TRHDE: variants seen among roughly 807,000 people sequenced by gnomAD.
The protein encoded by TRHDE is thyrotropin releasing hormone degrading enzyme, also known as thyrotropin-releasing hormone-degrading ectoenzyme.
A neutral mutation model predicts 125.7 loss-of-function variants in TRHDE; 72 were observed. The ratio of observed to expected loss-of-function variants is 0.57; its 90% CI spans 0.47 to 0.70. The LOEUF is 0.70. TRHDE is among the 30% of genes least tolerant of loss of function. TRHDE has a pLI of 0.00. For synonymous variants in TRHDE, 509 were observed against 509.1 expected (o/e 1.00, Z 0.00); for missense variants, 1,110 against 1,327.1 (o/e 0.84, Z 2.54).
intron 2 of TRHDE, among the ~76,000 whole-genome samples, chr12:72,211,249 A>C (rs73349024): frequency 0.043 from 6,504 of 152,212 alleles, 465 homozygotes; most frequent in African/African-American, 0.15. Flanking sequence ...CAGTGGTGCT[A>C]AGGTTCTGCC....
At chr12:72,236,968 G>A (rs1287860300) in intron 2 of TRHDE, among the ~76,000 whole-genome samples, 1 of 152,136 alleles carries the variant, frequency 6.6e-6, no homozygotes, top group African/African-American at 2.4e-5. Flanking sequence ...TTAAAATTTG[G>A]TTTAGATGGC....
chr12:72,441,721 T>C (rs1309003617), intron 3 of TRHDE, among the ~76,000 whole-genome samples: 2 of 151,892 alleles, frequency 1.3e-5, no homozygotes, highest in Non-Finnish European at 2.9e-5. Flanking sequence ...TTGACGTTGT[T>C]GGCCAAATAC....
At chr12:72,497,656 C>A (rs1282898938) in intron 5 of TRHDE, among the ~76,000 whole-genome samples, 7 of 151,968 alleles carry the variant, frequency 4.6e-5, no homozygotes, top group African/African-American at 1.4e-4. Context: ...CCCATTAATT[C>A]AAATATCAGA....
chr12:72,591,201 G>A (rs1381705629), intron 12 of TRHDE, among the ~76,000 whole-genome samples: 1 of 152,136 alleles, frequency 6.6e-6, no homozygotes, highest in Non-Finnish European at 1.5e-5. Flanking sequence ...TTCCCACTGG[G>A]TCCCTCCAAC....
rs921615462 is a variant in TRHDE at position 72,670,233 on chromosome 12, G to A, written c.*7038G>A. On this transcript the variant is annotated 3_prime_UTR_variant, in exon 19 of 19. Coordinates refer to ENST00000261180, the MANE Select transcript of TRHDE (RefSeq NM_013381.3). ...CTTTCAGTAAATAAGTGTTAATAAA[G>A]CAGTGACCAAATAAATAACCTTTTG... The A allele has an allele frequency of 6.6e-6, 1 of 151,722 alleles. No individual in the cohort carries two copies. The highest frequency in any genetic ancestry group is 1.5e-5 in the Non-Finnish European group (1 of 67,798). 9.4% of individuals were successfully genotyped at this position (151,722 alleles called of 1,614,324 possible).
chr12:72,646,326 A>G (rs867793909), intron 15 of TRHDE, among the ~76,000 whole-genome samples: 18 of 152,028 alleles, frequency 1.2e-4, no homozygotes, highest in Non-Finnish European at 2.5e-4. Context: ...AAGCACACTA[A>G]TAAAGCCCTA....
At chr12:72,551,911 T>TAGAC (rs1212144556) in intron 7 of TRHDE, among the ~76,000 whole-genome samples, 1 of 152,022 alleles carries the variant, frequency 6.6e-6, no homozygotes, top group Non-Finnish European at 1.5e-5. Context: ...TGCTGAGGTC[T>TAGAC]GAAGGAAGAA....
intron 2 of TRHDE, among the ~76,000 whole-genome samples, chr12:72,329,491 T>A (rs938654510): frequency 6.6e-6 from 1 of 152,184 alleles, no homozygotes; most frequent in Non-Finnish European, 1.5e-5. Flanking sequence ...TGCAATAGCT[T>A]TTCTTACCGA....
chr12:72,653,321 A>C (rs1356990472), intron 17 of TRHDE, among the ~76,000 whole-genome samples, 165 bp downstream of exon 17: 1 of 152,118 alleles, frequency 6.6e-6, no homozygotes, highest in Non-Finnish European at 1.5e-5. Context: ...ATTATTTTTA[A>C]AATTCTATAA....
intron 3 of TRHDE, among the ~76,000 whole-genome samples, chr12:72,469,098 T>C (rs1307836059): frequency 6.6e-6 from 1 of 152,164 alleles, no homozygotes; most frequent in East Asian, 1.9e-4. Flanking sequence ...CCTTATTTCA[T>C]AGGTGAGGGA....
intron 12 of TRHDE, among the ~76,000 whole-genome samples, chr12:72,616,882 T>C (rs948238345): frequency 5.3e-5 from 8 of 152,094 alleles, no homozygotes; most frequent in Non-Finnish European, 2.9e-5. Context: ...CTAATTAATA[T>C]TTAGAATTAA....
In TRHDE at chr12:72,619,013, G is replaced by A. The variant is rs1052400108; in HGVS notation, c.2444G>A (p.Arg815His). ...TATCCTCTAGATAAATTACTGGACCGCATGGAAAACTACAACATTTTCAAT... is the reference window on the plus strand; with the variant it reads ...TATCCTCTAGATAAATTACTGGACCACATGGAAAACTACAACATTTTCAAT... ...ALYPLDKLLD[R>H]MENYNIFNEY... Residue 815 changes from arginine to histidine, a missense_variant, in exon 13 of 19, where the codon CGC becomes CAC. Physicochemically the swap from Arg to His is conservative, Grantham distance 29. Transcript: ENST00000261180. 1.5e-5 allele frequency: 24 copies of A among 1,561,390 alleles called. No individual in the cohort carries two copies. Among genetic ancestry groups the A allele is most frequent in the East Asian group, 4.6e-5 (2 of 43,388 alleles).
chr12:72,193,821 T>A (rs1877384889), intron 2 of TRHDE, among the ~76,000 whole-genome samples: 1 of 152,192 alleles, frequency 6.6e-6, no homozygotes, highest in Non-Finnish European at 1.5e-5. Flanking sequence ...TTTTCCATTT[T>A]GGATAATAAT....
At chr12:72,484,788 A>T (rs1877327195) in intron 5 of TRHDE, among the ~76,000 whole-genome samples, 1 of 152,232 alleles carries the variant, frequency 6.6e-6, no homozygotes, top group Non-Finnish European at 1.5e-5. Flanking sequence ...GTTGTCAGCA[A>T]GATGGCCAAC....
At chr12:72,195,225 T>G (rs1396177743) in intron 2 of TRHDE, among the ~76,000 whole-genome samples, 2 of 152,098 alleles carry the variant, frequency 1.3e-5, no homozygotes, top group Admixed American at 1.3e-4. Context: ...GCGGGGATTA[T>G]GGGAACTACA....
At chr12:72,646,876 TA>T (rs1201140663) in intron 15 of TRHDE, among the ~76,000 whole-genome samples, 2 of 151,902 alleles carry the variant, frequency 1.3e-5, no homozygotes, top group African/African-American at 4.8e-5. Context: ...TAAAAAACAT[TA>T]AAAATAGCAG....
chr12:72,575,510 G>T lies in TRHDE; in HGVS notation c.2289G>T (p.Ala763=). 1 of 1,613,470 alleles carries T rather than the reference G, an allele frequency of 6.2e-7. No individual in the cohort carries two copies. The highest frequency in any genetic ancestry group is 8.5e-7 in the Non-Finnish European group (1 of 1,179,698). Residue 763 remains alanine (A), a synonymous_variant, in exon 12 of 19, where the codon GCG becomes GCT. Coordinates refer to ENST00000261180, the MANE Select transcript of TRHDE (RefSeq NM_013381.3). The stretch of plus-strand genomic sequence containing the variant: ...AGGTTCTTTCTGTCAGTAACCGAGC[G>T]GGCTTGATCGATGATGCCTTCAGCC... ...NHEVLSVSNR[A]GLIDDAFSLA... is the part of the protein sequence containing the mutation.
At chr12:72,237,979 G>A (rs1878369576) in intron 2 of TRHDE, among the ~76,000 whole-genome samples, 1 of 151,894 alleles carries the variant, frequency 6.6e-6, no homozygotes, top group Non-Finnish European at 1.5e-5. Flanking sequence ...AGGCCAATGA[G>A]CAAAAGAGAG....
chr12:72,587,843 A>G (rs895568305), intron 12 of TRHDE, among the ~76,000 whole-genome samples: 3 of 152,170 alleles, frequency 2.0e-5, no homozygotes, highest in Non-Finnish European at 4.4e-5. Context: ...AGGCAGAAAT[A>G]TGTTCTTAAT....
Sources: gnomAD v4.1 joint callset for allele counts (sites outside exome capture counted in the v4.1 genomes callset) on GRCh38, gnomAD v4.1.1 for gene constraint, MANE v1.5 for transcripts, NCBI Gene and HGNC (gene_info 2026-07-23, HGNC 2026-07-21) for gene names.